NKAIN3: variants seen among roughly 807,000 people sequenced by gnomAD.
The protein encoded by NKAIN3 is sodium/potassium transporting ATPase interacting 3.
Under a neutral mutation model 30.2 loss-of-function variants are expected in NKAIN3, and 25 were observed. That is an observed-to-expected ratio of 0.83 (90% CI 0.60 to 1.16). The LOEUF is 1.16. NKAIN3 is among the 50% of genes most tolerant of loss of function. The pLI is 0.00. For missense variants in NKAIN3, 225 were observed against 254.1 expected (o/e 0.89, Z 0.78); for synonymous variants, 91 against 89.6 (o/e 1.02, Z -0.09).
At chr8:62,613,129 G>A (rs1338225491) in intron 3 of NKAIN3, among the ~76,000 whole-genome samples, 2 of 151,910 alleles carry the variant, frequency 1.3e-5, no homozygotes, top group Non-Finnish European at 2.9e-5. Context: ...GTTCCTTCAG[G>A]TGATTATTTA....
At chr8:62,635,508 T>C (rs940694741) in intron 3 of NKAIN3, among the ~76,000 whole-genome samples, 4 of 152,154 alleles carry the variant, frequency 2.6e-5, no homozygotes, top group Non-Finnish European at 5.9e-5. Flanking sequence ...AGGAAAGTGC[T>C]ATGGTCAGGA....
chr8:62,628,082 G>C (rs530269523), intron 3 of NKAIN3, among the ~76,000 whole-genome samples: 1 of 151,990 alleles, frequency 6.6e-6, no homozygotes. Flanking sequence ...TGCTGGTTAC[G>C]TTCCATTCAT....
chr8:62,249,228 G>A (rs992132324), intron 1 of NKAIN3, 101 bp downstream of exon 1: 2 of 987,652 alleles, frequency 2.0e-6, no homozygotes, highest in Non-Finnish European at 2.9e-6. Context: ...AGGGGCGAAC[G>A]GGTGAACAGG....
At chr8:62,814,698 A>G (rs577203775) in intron 4 of NKAIN3, among the ~76,000 whole-genome samples, 42 of 152,268 alleles carry the variant, frequency 2.8e-4, no homozygotes, top group Non-Finnish European at 3.1e-4. Flanking sequence ...ACAAAGACAC[A>G]ACATACCAGA....
At chr8:62,275,828 A>G (rs1356369090) in intron 1 of NKAIN3, among the ~76,000 whole-genome samples, 2 of 152,194 alleles carry the variant, frequency 1.3e-5, no homozygotes, top group Non-Finnish European at 2.9e-5. Flanking sequence ...ATTGAATAGT[A>G]TCGACTCTTC....
intron 1 of NKAIN3, among the ~76,000 whole-genome samples, chr8:62,560,610 G>A (rs979308374): frequency 8.2e-6 from 1 of 122,278 alleles, no homozygotes; most frequent in African/African-American, 3.1e-5. Flanking sequence ...CATCATCTCA[G>A]CTCACTACAA....
At chr8:62,337,574 C>CATATAT (rs148709136) in intron 1 of NKAIN3, among the ~76,000 whole-genome samples, 128,726 of 150,380 alleles carry the variant, frequency 0.86, 55,862 homozygotes, top group East Asian at 0.99. Flanking sequence ...AAGTATAGTA[C>CATATAT]ATATATATAT....
intron 1 of NKAIN3, among the ~76,000 whole-genome samples, chr8:62,411,798 C>T (rs1490003925): frequency 6.6e-6 from 1 of 152,088 alleles, no homozygotes; most frequent in African/African-American, 2.4e-5. Flanking sequence ...ACAATTCCCA[C>T]CTCTACAATA....
chr8:62,471,379 A>T (rs531136894), intron 1 of NKAIN3, among the ~76,000 whole-genome samples: 3 of 152,238 alleles, frequency 2.0e-5, no homozygotes, highest in African/African-American at 7.2e-5. Context: ...AATTACATAG[A>T]TGCTGTATTT....
At chr8:62,463,684 A>T (rs939710585) in intron 1 of NKAIN3, among the ~76,000 whole-genome samples, 1 of 152,148 alleles carries the variant, frequency 6.6e-6, no homozygotes, top group South Asian at 2.1e-4. Flanking sequence ...TCTCTCATCC[A>T]TGGGAAATAT....
At chr8:62,252,238 G>C (rs149487345) in intron 1 of NKAIN3, among the ~76,000 whole-genome samples, 2 of 152,110 alleles carry the variant, frequency 1.3e-5, no homozygotes, top group African/African-American at 4.8e-5. Context: ...AGGGGATGGC[G>C]TTGGGAGAAC....
chr8:62,440,252 A>G (rs1188577795), intron 1 of NKAIN3, among the ~76,000 whole-genome samples: 1 of 152,146 alleles, frequency 6.6e-6, no homozygotes. Flanking sequence ...GGTGCCCTTC[A>G]TGTGTGAATT....
intron 1 of NKAIN3, among the ~76,000 whole-genome samples, chr8:62,408,189 C>G (rs565763643): frequency 1.3e-5 from 2 of 152,234 alleles, no homozygotes; most frequent in African/African-American, 2.4e-5. Context: ...ATTTTGAATA[C>G]AGCTCTACTT....
At chr8:62,760,219 G>A (rs1382029836) in intron 4 of NKAIN3, among the ~76,000 whole-genome samples, 3 of 152,100 alleles carry the variant, frequency 2.0e-5, no homozygotes, top group Admixed American at 6.5e-5. Context: ...TCAGTGTGGC[G>A]ATTCCTCAGG....
chr8:62,391,284 C>A (rs1304180858), intron 1 of NKAIN3, among the ~76,000 whole-genome samples: 1 of 152,086 alleles, frequency 6.6e-6, no homozygotes, highest in African/African-American at 2.4e-5. Flanking sequence ...TTTTGTATAG[C>A]CAAGTCTCCC....
chr8:62,500,870 C>T (rs1354125312), intron 1 of NKAIN3, among the ~76,000 whole-genome samples: 2 of 152,074 alleles, frequency 1.3e-5, no homozygotes, highest in Admixed American at 6.6e-5. Context: ...CTCTCTATGT[C>T]TATGTGATGA....
At chr8:62,293,808 T>G (rs1813732703) in intron 1 of NKAIN3, among the ~76,000 whole-genome samples, 1 of 152,056 alleles carries the variant, frequency 6.6e-6, no homozygotes, top group South Asian at 2.1e-4. Context: ...CTGCTGCCTT[T>G]TGTTCAGCTA....
intron 1 of NKAIN3, among the ~76,000 whole-genome samples, chr8:62,362,079 C>T (rs1490534581): frequency 6.6e-6 from 1 of 152,070 alleles, no homozygotes; most frequent in Non-Finnish European, 1.5e-5. Flanking sequence ...ATATTGTTCT[C>T]GATGTTAAGA....
At chr8:62,347,232 G>A (rs1032654166) in intron 1 of NKAIN3, among the ~76,000 whole-genome samples, 13 of 152,218 alleles carry the variant, frequency 8.5e-5, no homozygotes, top group African/African-American at 2.9e-4. Context: ...TATGAATGAA[G>A]ATAGGAGCTT....
Sources: gnomAD v4.1 joint callset for allele counts (sites outside exome capture counted in the v4.1 genomes callset) on GRCh38, gnomAD v4.1.1 for gene constraint, MANE v1.5 for transcripts, NCBI Gene and HGNC (gene_info 2026-07-23, HGNC 2026-07-21) for gene names.